The following MSRB3 variants were observed in gnomAD, a reference collection of about 807,000 sequenced individuals.
MSRB3 encodes the protein methionine-R-sulfoxide reductase B3.
Under a neutral mutation model 21.0 loss-of-function variants are expected in MSRB3, and 13 were observed. The observed-to-expected ratio is 0.62, with a 90% CI of 0.40 to 0.98. The LOEUF (loss-of-function observed/expected upper bound fraction) is 0.98, where lower values mean the gene tolerates loss of function less well. Ranked by LOEUF, MSRB3 falls within the 50% of genes least tolerant of loss-of-function variation. The pLI is 0.00. For missense variants in MSRB3, 199 were observed against 230.3 expected (o/e 0.86, Z 0.88); for synonymous variants, 87 against 88.6 (o/e 0.98, Z 0.10).
rs755325581 is a variant in MSRB3, at chr12:65,278,785, C to A, written c.-132C>A. 6.4e-7 allele frequency: 1 copy of A among 1,573,812 alleles called. No homozygotes were observed. Among genetic ancestry groups the A allele is most frequent in the East Asian group, 2.3e-5 (1 of 42,560 alleles). On this transcript the variant is annotated 5_prime_UTR_variant, in exon 1 of 7. Transcript: ENST00000308259. ...GGCCTTTCCATGAGCCCGCGGCGGA[C>A]CCTCCCGCGCCCCCTCTCGCTCTGC... is the stretch of plus-strand genomic sequence containing the variant.
At chr12:65,393,835 G>T in intron 5 of MSRB3, among the ~76,000 whole-genome samples, 1 of 151,708 alleles carries the variant, frequency 6.6e-6, no homozygotes, top group Non-Finnish European at 1.5e-5. Flanking sequence ...TTGATGTGTG[G>T]GTATGGATGT....
Position 65,443,746 on chromosome 12 carries a change from G to A in MSRB3, c.293-9982G>A, listed in dbSNP as rs115574061. On this transcript the variant is annotated intron_variant, in intron 5 of 6. Transcript: ENST00000308259. ...CATGTTAACTGTTTTTCAGTGTACA[G>A]TTCAGTGGTATGAAATACATTCACA... 2.5e-3 allele frequency among the ~76,000 whole-genome samples: 374 copies of A among 152,034 alleles called. 1 individual carries two copies. Among genetic ancestry groups the A allele is most frequent in the African/African-American group, 8.2e-3 (342 of 41,470 alleles).
intron 6 of MSRB3, chr12:65,454,216 A>T (rs2136703890): frequency 2.3e-6 from 1 of 425,978 alleles, no homozygotes; most frequent in East Asian, 4.7e-5. Flanking sequence ...GGAGCCCAGG[A>T]GGTCGAGGCT....
chr12:65,347,123 A>C (rs1353846680), intron 4 of MSRB3, among the ~76,000 whole-genome samples: 1 of 152,196 alleles, frequency 6.6e-6, no homozygotes, highest in Non-Finnish European at 1.5e-5. Flanking sequence ...TCTGTGAAGA[A>C]AGTCATTGGT....
chr12:65,305,950 A>G (rs1873627638), intron 1 of MSRB3, among the ~76,000 whole-genome samples: 1 of 152,216 alleles, frequency 6.6e-6, no homozygotes, highest in Non-Finnish European at 1.5e-5. Flanking sequence ...ATAATAGCTA[A>G]CATTTCCTGA....
rs770192332 is a variant in MSRB3, at chr12:65,453,698, G to T, written c.293-30G>T. 8.5e-6 allele frequency: 13 copies of T among 1,533,846 alleles called. No individual in the cohort carries two copies. In the South Asian group the frequency reaches 1.5e-4, roughly 17 times the overall value. The stretch of plus-strand genomic sequence containing the variant: ...CCAAGGCTGTGTATCTCTCCTCTCT[G>T]CTTTGATTCTTGTGCCTGCTGTGTC... On this transcript the variant is annotated intron_variant, in intron 5 of 6. Transcript: ENST00000308259.
chr12:65,457,467 G>T (rs1021128288), intron 6 of MSRB3, among the ~76,000 whole-genome samples: 3 of 152,040 alleles, frequency 2.0e-5, no homozygotes, highest in Admixed American at 1.3e-4. Context: ...GAGAACATGT[G>T]GTGTTTGGTT....
intron 5 of MSRB3, among the ~76,000 whole-genome samples, chr12:65,446,934 T>G (rs976728490): frequency 1.1e-4 from 16 of 152,248 alleles, no homozygotes; most frequent in South Asian, 2.1e-4. Context: ...TTTTACATTT[T>G]CCTTATCTTC....
At chr12:65,331,794 C>T (rs1481573937) in intron 4 of MSRB3, among the ~76,000 whole-genome samples, 2 of 152,188 alleles carry the variant, frequency 1.3e-5, no homozygotes, top group African/African-American at 2.4e-5. Context: ...GGAAAAGCTG[C>T]GTACACGGGA....
rs559371422 is a variant in MSRB3, at chr12:65,418,195, C to T, written c.293-35533C>T. ...TCCTGGCTCACTGCAGCCTCTGCCT[C>T]CCAGGTTCAAGTGATTCTCCTCCCT... On this transcript the variant is annotated intron_variant, in intron 5 of 6. Coordinates refer to ENST00000308259, the MANE Select transcript of MSRB3 (RefSeq NM_001031679.3). 2.0e-5 allele frequency among the ~76,000 whole-genome samples: 3 copies of T among 152,298 alleles called. No homozygotes were observed. In the South Asian group the frequency reaches 6.2e-4, roughly 32 times the overall value.
intron 4 of MSRB3, among the ~76,000 whole-genome samples, chr12:65,350,138 T>C (rs1010748902): frequency 9.9e-5 from 15 of 151,838 alleles, no homozygotes; most frequent in African/African-American, 3.6e-4. Context: ...GGCTAGCCAG[T>C]TTTCCCAGCA....
At chr12:65,313,537 TTTG>T (rs1164517578) in intron 2 of MSRB3, among the ~76,000 whole-genome samples, 4 of 152,134 alleles carry the variant, frequency 2.6e-5, no homozygotes, top group Admixed American at 6.5e-5. Context: ...CAAGAAATTT[TTTG>T]TTAAGTCTTC....
chr12:65,320,380 C>T (rs1037502795), intron 2 of MSRB3, among the ~76,000 whole-genome samples: 19 of 152,042 alleles, frequency 1.2e-4, no homozygotes, highest in African/African-American at 4.6e-4. Flanking sequence ...AAAAATAGAA[C>T]AGGTACTAAT....
Position 65,278,866 on chromosome 12 carries a change from G to A in MSRB3, c.-52+1G>A, listed in dbSNP as rs1399549491. On this transcript the variant is annotated splice_donor_variant, in intron 1 of 6. Transcript: ENST00000308259. LOFTEE classifies it low-confidence loss of function (5UTR_SPLICE). ...GCGGCTCTGGGAAGTGCGCAGTCCG[G>A]TAAGTTCGGGCTCCCCTCCCCTCTC... The A allele has an allele frequency of 1.3e-6, 2 of 1,555,906 alleles. No homozygotes were observed. Among genetic ancestry groups the A allele is most frequent in the East Asian group, 2.4e-5 (1 of 41,376 alleles).
intron 5 of MSRB3, among the ~76,000 whole-genome samples, chr12:65,420,358 G>A (rs1881224245): frequency 6.6e-6 from 1 of 150,468 alleles, no homozygotes; most frequent in South Asian, 2.1e-4. Flanking sequence ...CCTTATGATT[G>A]GTCTGGCTAT....
At chr12:65,288,848 A>G (rs1341023163) in intron 1 of MSRB3, among the ~76,000 whole-genome samples, 1 of 152,220 alleles carries the variant, frequency 6.6e-6, no homozygotes, top group African/African-American at 2.4e-5. Flanking sequence ...AAAGAAAAAA[A>G]CTTGGCTAAT....
chr12:65,370,937 A>G (rs1280099254), intron 5 of MSRB3, among the ~76,000 whole-genome samples: 1 of 152,238 alleles, frequency 6.6e-6, no homozygotes, highest in East Asian at 1.9e-4. Context: ...ATTTTTTCTT[A>G]TAAGCTCCTT....
At chr12:65,316,838 T>G (rs376610234) in intron 2 of MSRB3, among the ~76,000 whole-genome samples, 46 of 152,118 alleles carry the variant, frequency 3.0e-4, no homozygotes, top group African/African-American at 9.9e-4. Context: ...TCCCAGAATG[T>G]CAGACTGGAT....
At chr12:65,412,909 A>C (rs111931722) in intron 5 of MSRB3, among the ~76,000 whole-genome samples, 2,129 of 152,144 alleles carry the variant, frequency 0.014, 44 homozygotes, top group African/African-American at 0.049. Context: ...GTGAGGGGGG[A>C]AGAGCACTTT....
Sources: gnomAD v4.1 joint callset for allele counts (sites outside exome capture counted in the v4.1 genomes callset) on GRCh38, gnomAD v4.1.1 for gene constraint, MANE v1.5 for transcripts, NCBI Gene and HGNC (gene_info 2026-07-23, HGNC 2026-07-21) for gene names.